Variants in CTNNA2 observed in about 807,000 individuals in gnomAD.
CTNNA2 encodes the protein catenin alpha-2.
A neutral mutation model predicts 101.0 loss-of-function variants in CTNNA2; 42 were observed. The observed-to-expected ratio is 0.42, with a 90% CI of 0.32 to 0.54. CTNNA2 has a LOEUF of 0.54. Ranked by LOEUF, CTNNA2 falls within the 20% of genes least tolerant of loss-of-function variation. The pLI is 0.14. For synonymous variants in CTNNA2, 450 were observed against 456.4 expected (o/e 0.99, Z 0.18); for missense variants, 871 against 1,223.1 (o/e 0.71, Z 4.29).
chr2:79,821,236 C>A (rs974152905), intron 3 of CTNNA2, among the ~76,000 whole-genome samples: 31 of 151,898 alleles, frequency 2.0e-4, no homozygotes, highest in African/African-American at 7.3e-4. Context: ...TTAGATGAAG[C>A]CTTGCTCTGT....
chr2:79,751,556 A>G (rs1261008163), intron 3 of CTNNA2, among the ~76,000 whole-genome samples: 3 of 141,336 alleles, frequency 2.1e-5, no homozygotes, highest in Non-Finnish European at 4.5e-5. Context: ...AGATTGTGCC[A>G]CTGTACTCCA....
intron 8 of CTNNA2, among the ~76,000 whole-genome samples, chr2:80,394,196 A>G (rs1448997086): frequency 1.3e-5 from 2 of 152,236 alleles, no homozygotes; most frequent in Non-Finnish European, 2.9e-5. Context: ...GGCCACATCC[A>G]GCATTTGCTC....
chr2:79,849,687 C>T (rs1471743863), intron 3 of CTNNA2, among the ~76,000 whole-genome samples: 2 of 152,186 alleles, frequency 1.3e-5, no homozygotes, highest in Non-Finnish European at 2.9e-5. Flanking sequence ...AGGAGTTGCT[C>T]CTTTCACTAG....
chr2:79,317,455 C>G lies in CTNNA2; in HGVS notation c.-318+4659C>G, dbSNP rs189648834. On this transcript the variant is annotated intron_variant, in intron 3 of 21. Coordinates refer to the CTNNA2 transcript ENST00000466387. Reference sequence around the variant, plus strand: ...TGGGTTATTTGATTTCTTGCATGGACTCTGCTCAGCCAGAATATAAGCTCA... The same window carrying G: ...TGGGTTATTTGATTTCTTGCATGGAGTCTGCTCAGCCAGAATATAAGCTCA... Among the ~76,000 whole-genome samples, 503 of 152,118 alleles carry G rather than the reference C, an allele frequency of 3.3e-3. 2 individuals are homozygous for G. Among genetic ancestry groups the G allele is most frequent in the South Asian group, 6.0e-3 (29 of 4,830 alleles).
chr2:80,508,712 GTGTTTA>G (rs1376808483), intron 9 of CTNNA2, among the ~76,000 whole-genome samples: 1 of 150,502 alleles, frequency 6.6e-6, no homozygotes, highest in Non-Finnish European at 1.5e-5. Flanking sequence ...TGTGTTGATT[GTGTTTA>G]TGTAGTGAAG....
chr2:80,619,094 C>T lies in CTNNA2; in HGVS notation c.2440C>T (p.Gln814Ter). The T allele has an allele frequency of 6.6e-7, 1 of 1,515,438 alleles. No homozygotes were observed. The allele number at this position is 1,515,438 out of a possible 1,614,324, so 93.9% of individuals were successfully genotyped here. The change falls in exon 18 of 19, where the codon CAG becomes TAG. Residue 814 changes from glutamine to a stop codon, truncating the protein, a stop_gained. Coordinates refer to ENST00000402739, the MANE Select transcript of CTNNA2 (RefSeq NM_001282597.3). LOFTEE classifies it high-confidence loss of function. ...GELIVSGTGV[Q>*]STFTTFYEVD... Reference sequence around the variant, plus strand: ...ATCTCTCGGAAATCAGACAGGAGTTCAGAGCACTTTCACTACCTTTTATGA... The same window carrying T: ...ATCTCTCGGAAATCAGACAGGAGTTTAGAGCACTTTCACTACCTTTTATGA...
chr2:79,814,236 T>C (rs1677283966), intron 3 of CTNNA2, among the ~76,000 whole-genome samples: 1 of 152,166 alleles, frequency 6.6e-6, no homozygotes, highest in Non-Finnish European at 1.5e-5. Flanking sequence ...TTTTCAAAAA[T>C]ATTTTTTACT....
intron 1 of CTNNA2, among the ~76,000 whole-genome samples, chr2:79,571,275 C>G (rs969564640): frequency 6.6e-6 from 1 of 152,098 alleles, no homozygotes; most frequent in Non-Finnish European, 1.5e-5. Flanking sequence ...GTCACCCACA[C>G]TTTTGTACTT....
intron 2 of CTNNA2, among the ~76,000 whole-genome samples, chr2:79,280,366 C>G (rs1431729485): frequency 6.6e-6 from 1 of 152,062 alleles, no homozygotes; most frequent in East Asian, 1.9e-4. Context: ...GCCTGCACCA[C>G]AGCACAGCCT....
chr2:79,725,828 T>A (rs1295585994), intron 2 of CTNNA2, among the ~76,000 whole-genome samples: 1 of 152,226 alleles, frequency 6.6e-6, no homozygotes, highest in African/African-American at 2.4e-5. Flanking sequence ...TCCTGCTGCC[T>A]GCCTCCAGCA....
intron 9 of CTNNA2, among the ~76,000 whole-genome samples, chr2:80,444,360 T>C (rs1682883296): frequency 6.6e-6 from 1 of 152,112 alleles, no homozygotes; most frequent in Non-Finnish European, 1.5e-5. Flanking sequence ...GAATGATAGG[T>C]AGGGAAGACA....
intron 2 of CTNNA2, among the ~76,000 whole-genome samples, chr2:79,214,167 A>G (rs1674215121): frequency 6.6e-6 from 1 of 152,176 alleles, no homozygotes; most frequent in Non-Finnish European, 1.5e-5. Context: ...ACAGATGAGG[A>G]AGAAATTTAG....
intron 4 of CTNNA2, among the ~76,000 whole-genome samples, chr2:79,486,755 A>G (rs1330538287): frequency 6.6e-6 from 1 of 152,108 alleles, no homozygotes; most frequent in African/African-American, 2.4e-5. Flanking sequence ...TGACTTTTTA[A>G]TGATCGCCAT....
chr2:79,460,126 A>C (rs399885), intron 4 of CTNNA2, among the ~76,000 whole-genome samples: 53,007 of 151,894 alleles, frequency 0.35, 9,363 homozygotes, highest in East Asian at 0.5. Flanking sequence ...AAAATTCTAG[A>C]CCATATATCT....
At chr2:80,120,857 G>T (rs1427194008) in intron 7 of CTNNA2, among the ~76,000 whole-genome samples, 2 of 152,166 alleles carry the variant, frequency 1.3e-5, no homozygotes, top group East Asian at 1.9e-4. Flanking sequence ...CTGACATTTG[G>T]TTTAATTGCC....
At chr2:79,628,611 C>T (rs1679479919) in intron 1 of CTNNA2, among the ~76,000 whole-genome samples, 1 of 152,128 alleles carries the variant, frequency 6.6e-6, no homozygotes. Context: ...ATTTTTTGCT[C>T]CATAGAAGCA....
Position 79,792,246 on chromosome 2 carries a change from C to T in CTNNA2, c.298+47664C>T, listed in dbSNP as rs114266142. 3.7e-3 allele frequency among the ~76,000 whole-genome samples: 563 copies of T among 152,174 alleles called. 7 individuals are homozygous for T. Among genetic ancestry groups the T allele is most frequent in the African/African-American group, 0.013 (540 of 41,520 alleles). ...GCAGAGGCACTGGGTACTCTTTGTACCTGACTAGCTTTTCAAGGATGTTTG... is the reference window on the plus strand; with the variant it reads ...GCAGAGGCACTGGGTACTCTTTGTATCTGACTAGCTTTTCAAGGATGTTTG... On this transcript the variant is annotated intron_variant, in intron 3 of 18. Transcript: ENST00000402739.
chr2:80,558,899 G>A (rs1693298649), intron 12 of CTNNA2, among the ~76,000 whole-genome samples: 1 of 152,108 alleles, frequency 6.6e-6, no homozygotes, highest in African/African-American at 2.4e-5. Context: ...TCAAGACCTT[G>A]AGTCAGACAT....
At chr2:79,680,064 A>C (rs140912233) in intron 2 of CTNNA2, among the ~76,000 whole-genome samples, 3 of 152,010 alleles carry the variant, frequency 2.0e-5, no homozygotes, top group African/African-American at 7.2e-5. Context: ...ATGGTAAAAT[A>C]TTCCTGATTT....
Sources: allele counts gnomAD v4.1 joint callset (sites outside exome capture counted in the v4.1 genomes callset), GRCh38; gene constraint gnomAD v4.1.1; transcripts MANE v1.5; gene names NCBI Gene and HGNC (gene_info 2026-07-23, HGNC 2026-07-21).